The following ANXA8 variants were observed in gnomAD, a reference collection of about 807,000 sequenced individuals.
ANXA8 encodes annexin A8.
ANXA8 carries 9 observed loss-of-function variants against 26.8 expected under a neutral mutation model. That is an observed-to-expected ratio of 0.34 (90% CI 0.20 to 0.59). ANXA8 has a LOEUF of 0.59. Among genes scored for constraint, ANXA8 ranks in the 20% least tolerant of loss-of-function variants. ANXA8 has a pLI of 0.84. For synonymous variants in ANXA8, 39 were observed against 94.8 expected (o/e 0.41, Z 3.42); for missense variants, 83 against 238.5 (o/e 0.35, Z 4.29).
chr10:47,489,179 G>A, the ANXA8 span, among the ~76,000 whole-genome samples: 4 of 144,478 alleles, frequency 2.8e-5, no homozygotes, highest in Non-Finnish European at 6.0e-5. Context: ...CACCATGCCC[G>A]GCTAATTTTT....
At chr10:47,489,824 A>G in the ANXA8 span, among the ~76,000 whole-genome samples, 1 of 131,968 alleles carries the variant, frequency 7.6e-6, no homozygotes, top group South Asian at 2.9e-4. Flanking sequence ...TCCTCACAAC[A>G]GACCTATACA....
At chr10:47,936,796 C>G in the ANXA8 span, among the ~76,000 whole-genome samples, 1 of 151,876 alleles carries the variant, frequency 6.6e-6, no homozygotes, top group Non-Finnish European at 1.5e-5. Context: ...ATCAGCCCGG[C>G]TAGGTCCCAG....
chr10:47,572,972 C>T, the ANXA8 span, among the ~76,000 whole-genome samples: 1 of 149,622 alleles, frequency 6.7e-6, no homozygotes, highest in South Asian at 2.1e-4. Flanking sequence ...CTTGCCAGAG[C>T]CCTTCTCCAA....
the ANXA8 span, among the ~76,000 whole-genome samples, chr10:47,933,580 G>A: frequency 7.6e-4 from 26 of 34,266 alleles, 10 homozygotes; most frequent in South Asian, 0.013. Context: ...TATTGGGAAA[G>A]GGTCCGAGGA....
the ANXA8 span, among the ~76,000 whole-genome samples, chr10:47,688,452 C>T: frequency 2.0e-5 from 3 of 150,208 alleles, no homozygotes; most frequent in South Asian, 2.1e-4. Flanking sequence ...GATGGAGTCT[C>T]GCTTTGTCGC....
chr10:47,511,007 G>A, the ANXA8 span, among the ~76,000 whole-genome samples: 1 of 127,204 alleles, frequency 7.9e-6, no homozygotes, highest in Admixed American at 8.1e-5. Context: ...GCAGTGGCGC[G>A]ATCTCGGCTC....
the ANXA8 span, among the ~76,000 whole-genome samples, chr10:47,957,167 C>T: frequency 6.7e-6 from 1 of 150,050 alleles, no homozygotes; most frequent in Non-Finnish European, 1.5e-5. Flanking sequence ...TATTCATGAT[C>T]TCTCTGTGCT....
the ANXA8 span, among the ~76,000 whole-genome samples, chr10:47,671,090 T>TGG: frequency 6.6e-6 from 1 of 151,946 alleles, no homozygotes; most frequent in Admixed American, 6.6e-5. Context: ...CAAAAAGCTA[T>TGG]TTTTAACCAT....
At chr10:47,733,249 T>G in the ANXA8 span, among the ~76,000 whole-genome samples, 197 of 95,206 alleles carry the variant, frequency 2.1e-3, 1 homozygote, top group African/African-American at 8.4e-3. Context: ...CTTTCTTTCT[T>G]TCTTTCTTTC....
the ANXA8 span, among the ~76,000 whole-genome samples, chr10:47,914,976 C>T: frequency 2.6e-5 from 4 of 152,294 alleles, no homozygotes; most frequent in African/African-American, 9.6e-5. Flanking sequence ...GTGTGAGGAT[C>T]TTTGGTTCTC....
chr10:47,726,718 T>G, the ANXA8 span: 1 of 677,410 alleles, frequency 1.5e-6, no homozygotes, highest in East Asian at 2.7e-5. Flanking sequence ...ATCCTAGAGT[T>G]GTTTTAAGCA....
At chr10:47,528,246 A>T in the ANXA8 span, among the ~76,000 whole-genome samples, 6 of 142,864 alleles carry the variant, frequency 4.2e-5, no homozygotes, top group African/African-American at 1.5e-4. Context: ...TGTCCAGCTA[A>T]TTTTTTGTAT....
chr10:47,949,725 C>T, the ANXA8 span, among the ~76,000 whole-genome samples: 2 of 148,490 alleles, frequency 1.3e-5, no homozygotes, highest in African/African-American at 5.0e-5. Context: ...TATTGTATAC[C>T]CTCATGCAAC....
At chr10:47,917,297 AGC>A in the ANXA8 span, among the ~76,000 whole-genome samples, 1 of 19,614 alleles carries the variant, frequency 5.1e-5, no homozygotes, top group Admixed American at 7.0e-4. Context: ...GCCAGTCTAC[AGC>A]GATGGTGAGC....
chr10:47,978,164 A>G, the ANXA8 span, among the ~76,000 whole-genome samples: 1 of 152,098 alleles, frequency 6.6e-6, no homozygotes, highest in Non-Finnish European at 1.5e-5. Flanking sequence ...GGGATAACAT[A>G]TTAAAAGTAT....
At chr10:47,970,855 G>T in the ANXA8 span, among the ~76,000 whole-genome samples, 8 of 151,260 alleles carry the variant, frequency 5.3e-5, no homozygotes, top group African/African-American at 1.5e-4. Flanking sequence ...TTTGCTGAGG[G>T]AGGTGCCAGC....
the ANXA8 span, among the ~76,000 whole-genome samples, chr10:47,606,602 C>A: frequency 6.7e-6 from 1 of 148,614 alleles, no homozygotes; most frequent in African/African-American, 2.6e-5. Context: ...CAAACTAACA[C>A]AGGAACAGAA....
At chr10:47,974,727 T>C in the ANXA8 span, among the ~76,000 whole-genome samples, 6 of 148,252 alleles carry the variant, frequency 4.0e-5, 2 homozygotes, top group Non-Finnish European at 9.0e-5. Context: ...TTGATATTAG[T>C]TTCTATTTTT....
chr10:47,603,376 C>T, the ANXA8 span, among the ~76,000 whole-genome samples: 2 of 149,900 alleles, frequency 1.3e-5, no homozygotes, highest in Admixed American at 1.3e-4. Flanking sequence ...GAAAGCCAGG[C>T]ACTGATAAGA....
Sources: allele counts gnomAD v4.1 joint callset (sites outside exome capture counted in the v4.1 genomes callset), GRCh38; gene constraint gnomAD v4.1.1; transcripts MANE v1.5; gene names NCBI Gene and HGNC (gene_info 2026-07-23, HGNC 2026-07-21).